The following MCTP1 variants were observed in gnomAD, a reference collection of about 807,000 sequenced individuals.
MCTP1 encodes the protein multiple C2 and transmembrane domain containing 1.
Under a neutral mutation model 120.6 loss-of-function variants are expected in MCTP1, and 69 were observed. The ratio of observed to expected loss-of-function variants is 0.57; its 90% confidence interval spans 0.47 to 0.70. MCTP1 has a LOEUF of 0.70. MCTP1 is among the 30% of genes least tolerant of loss of function. The probability of loss-of-function intolerance (pLI) is 0.00; values close to 1 mark genes in which losing one functional copy is unlikely to be tolerated. For missense variants in MCTP1, 1,203 were observed against 1,248.8 expected (o/e 0.96, Z 0.55); for synonymous variants, 529 against 493.1 (o/e 1.07, Z -0.96).
intron 1 of MCTP1, among the ~76,000 whole-genome samples, chr5:95,102,694 G>A (rs972417260): frequency 6.6e-6 from 1 of 151,450 alleles, no homozygotes; most frequent in Non-Finnish European, 1.5e-5. Flanking sequence ...AACAATCCAT[G>A]ATTACAGTAT....
intron 1 of MCTP1, among the ~76,000 whole-genome samples, chr5:95,071,708 C>T (rs1172616192): frequency 6.6e-6 from 1 of 152,102 alleles, no homozygotes; most frequent in African/African-American, 2.4e-5. Flanking sequence ...TGCATGTAAA[C>T]ATAGAGATGT....
At chr5:94,743,631 ATTTTTTT>A (rs34620641) in intron 19 of MCTP1, among the ~76,000 whole-genome samples, 6 of 86,664 alleles carry the variant, frequency 6.9e-5, no homozygotes, top group Non-Finnish European at 1.1e-4. Flanking sequence ...CAAAATCCAC[ATTTTTTT>A]TTTTTTTTTT....
chr5:94,742,617 T>C (rs976073963), intron 19 of MCTP1, among the ~76,000 whole-genome samples: 2 of 151,608 alleles, frequency 1.3e-5, no homozygotes, highest in African/African-American at 2.4e-5. Context: ...GAAGAATGCA[T>C]AGAAACTTCT....
At chr5:95,116,313 G>T (rs1444045853) in intron 1 of MCTP1, among the ~76,000 whole-genome samples, 1 of 120,356 alleles carries the variant, frequency 8.3e-6, no homozygotes, top group African/African-American at 2.9e-5. Context: ...GAAAGATGAT[G>T]AACCAATCAA....
intron 2 of MCTP1, among the ~76,000 whole-genome samples, chr5:94,981,700 C>T (rs75185942): frequency 6.6e-6 from 1 of 152,156 alleles, no homozygotes. Context: ...GAAAGCCTCA[C>T]CTATAAGGAC....
At chr5:94,767,309 C>A (rs189951469) in intron 19 of MCTP1, among the ~76,000 whole-genome samples, 1 of 152,238 alleles carries the variant, frequency 6.6e-6, no homozygotes, top group East Asian at 1.9e-4. Context: ...ACAGCTACTA[C>A]ATGGAATGGG....
At chr5:94,743,424 G>A (rs1049819050) in intron 19 of MCTP1, among the ~76,000 whole-genome samples, 1 of 151,966 alleles carries the variant, frequency 6.6e-6, no homozygotes, top group Non-Finnish European at 1.5e-5. Flanking sequence ...GCAGCCTCAC[G>A]AAGGTGAGAT....
At chr5:94,765,437 T>C (rs1345849234) in intron 19 of MCTP1, among the ~76,000 whole-genome samples, 1 of 152,144 alleles carries the variant, frequency 6.6e-6, no homozygotes, top group Non-Finnish European at 1.5e-5. Context: ...TGGTTGCTCA[T>C]GCCTGTCATC....
rs559776259 is a variant in MCTP1 at position 94,995,282 on chromosome 5, A to G, written c.838+22085T>C. On this transcript the variant is annotated intron_variant, in intron 2 of 22. Transcript: ENST00000515393. ...ACACAGATTCGTGGGTCTCATTTCC[A>G]GAGTTTATGATTCAGTAGGTCTGGG... Among the ~76,000 whole-genome samples the G allele has an allele frequency of 1.1e-4, 16 of 152,326 alleles. No individual in the cohort carries two copies. In the East Asian group the frequency reaches 2.9e-3, roughly 28 times the overall value.
chr5:94,736,571 C>T lies in MCTP1; in HGVS notation c.2611-21685G>A, dbSNP rs538301487. ...TAAAGGCAATGTAAATATAGATTAA[C>T]CCTGAGAACTTAGTGTAACCAAAAT... On this transcript the variant is annotated intron_variant, in intron 19 of 22. Transcript: ENST00000515393. Among the ~76,000 whole-genome samples the T allele has an allele frequency of 5.3e-4, 81 of 152,196 alleles. 1 individual carries two copies. Among genetic ancestry groups the T allele is most frequent in the African/African-American group, 1.9e-3 (78 of 41,530 alleles).
At chr5:94,965,569 C>T (rs946502046) in intron 2 of MCTP1, among the ~76,000 whole-genome samples, 1 of 152,096 alleles carries the variant, frequency 6.6e-6, no homozygotes, top group Non-Finnish European at 1.5e-5. Flanking sequence ...GTGTAATCTC[C>T]TATTCTGCCA....
rs1313055783 is a variant in MCTP1 at position 95,170,558 on chromosome 5, A to G, written c.720+113298T>C. Among the ~76,000 whole-genome samples the G allele has an allele frequency of 5.3e-5, 8 of 152,178 alleles. No homozygotes were observed. The South Asian group carries it at 1.0e-3, about 20-fold the overall frequency. On this transcript the variant is annotated intron_variant, in intron 1 of 22. Coordinates refer to ENST00000515393, the MANE Select transcript of MCTP1 (RefSeq NM_024717.7). Reference sequence around the variant, plus strand: ...GTGTGGGAGTCTAAGTCTCTTTGTAAGTCTCTAAGGACTTGCTTTATGAAT... The same window carrying G: ...GTGTGGGAGTCTAAGTCTCTTTGTAGGTCTCTAAGGACTTGCTTTATGAAT...
intron 1 of MCTP1, among the ~76,000 whole-genome samples, chr5:95,138,370 A>G (rs1712842083): frequency 6.6e-6 from 1 of 152,190 alleles, no homozygotes; most frequent in African/African-American, 2.4e-5. Flanking sequence ...GGAGCTGAAT[A>G]AGAACACAGC....
At chr5:94,750,393 T>A (rs1036891526) in intron 19 of MCTP1, among the ~76,000 whole-genome samples, 2 of 152,248 alleles carry the variant, frequency 1.3e-5, no homozygotes, top group African/African-American at 4.8e-5. Context: ...TTTAGAATCA[T>A]AAACCTACTA....
chr5:95,013,293 G>A (rs1836396536), intron 2 of MCTP1, among the ~76,000 whole-genome samples: 1 of 152,134 alleles, frequency 6.6e-6, no homozygotes, highest in Non-Finnish European at 1.5e-5. Context: ...GAAAGAGCAA[G>A]GAGCTGCCAC....
rs774100639 is a variant in MCTP1, at chr5:95,284,223, C to A, written c.353G>T (p.Gly118Val). 6.3e-7 allele frequency: 1 copy of A among 1,581,256 alleles called. No individual in the cohort carries two copies. The highest frequency in any genetic ancestry group is 1.1e-5 in the South Asian group (1 of 87,594). ...GCGGATCCGGCGGCGTAGCGTGGAC[C>A]CCTGCTCGGCTCTGCCGGCGCCGCC... ...EPGGAGRAEQ[G>V]STLRRRIREH... The change falls in exon 1 of 23, where the codon GGG becomes GTG. Residue 118 changes from glycine (G) to valine (V), a missense_variant. Gly to Val is a moderately radical substitution (Grantham distance 109). This residue lies in a region of MCTP1 where 463 missense variants were observed against 377.8 expected (regional missense o/e 1.23). Coordinates refer to ENST00000515393, the MANE Select transcript of MCTP1 (RefSeq NM_024717.7). This position sits in a 1 kb window ranked among gnomAD's most constrained non-coding sequence, Gnocchi z 5.2.
chr5:94,951,212 A>C (rs1820477776), intron 3 of MCTP1, among the ~76,000 whole-genome samples: 1 of 152,070 alleles, frequency 6.6e-6, no homozygotes, highest in Non-Finnish European at 1.5e-5. Context: ...GAACACCACC[A>C]TTCTTTTTTT....
chr5:94,902,477 T>A (rs1193119082), intron 10 of MCTP1, among the ~76,000 whole-genome samples: 2 of 152,050 alleles, frequency 1.3e-5, no homozygotes, highest in Non-Finnish European at 2.9e-5. Flanking sequence ...CATAAAACAC[T>A]CAGAATGGGA....
intron 2 of MCTP1, among the ~76,000 whole-genome samples, chr5:94,989,745 G>C (rs142611770): frequency 4.5e-4 from 69 of 152,208 alleles, no homozygotes; most frequent in African/African-American, 1.6e-3. Flanking sequence ...TTGACCTCTG[G>C]GGAAGGGTGA....
Sources: gnomAD v4.1 joint callset for allele counts (sites outside exome capture counted in the v4.1 genomes callset) on GRCh38, gnomAD v4.1.1 for gene constraint, gnomAD v4.1.1 regional missense constraint, Gnocchi (gnomAD v3.1) non-coding constraint, MANE v1.5 for transcripts, NCBI Gene and HGNC (gene_info 2026-07-23, HGNC 2026-07-21) for gene names.